Variants in ADAR observed in about 807,000 individuals in gnomAD.
The protein encoded by ADAR is adenosine deaminase RNA specific.
In ADAR, 41 loss-of-function variants were observed where a neutral mutation model predicts 113.2. The ratio of observed to expected loss-of-function variants is 0.36; its 90% CI spans 0.28 to 0.47. ADAR has a LOEUF of 0.47. Among genes scored for constraint, ADAR ranks in the 20% least tolerant of loss-of-function variants. The pLI is 1.00. For missense variants in ADAR, 1,242 were observed against 1,540.9 expected (o/e 0.81, Z 3.25); for synonymous variants, 605 against 572.6 (o/e 1.06, Z -0.81).
chr1:154,586,091 G>C (rs1571049978), intron 12 of ADAR, 90 bp downstream of exon 12: 1 of 1,516,860 alleles, frequency 6.6e-7, no homozygotes, highest in East Asian at 2.3e-5. Context: ...TTTGATAAGG[G>C]AGACAAAACA....
chr1:154,589,720 C>CA, intron 8 of ADAR, 37 bp downstream of exon 8: 1 of 1,613,262 alleles, frequency 6.2e-7, no homozygotes, highest in Non-Finnish European at 8.5e-7. Context: ...CGCTTTCAGG[C>CA]GCCATGGGAG....
rs766604638 is a variant in ADAR, at chr1:154,601,077, T to G, written c.1565A>C (p.Asn522Thr). 3.1e-6 allele frequency: 5 copies of G among 1,614,214 alleles called. No homozygotes were observed. The Admixed American group carries it at 8.3e-5, about 27-fold the overall frequency. ...GGGTGGTCCACTCTGCTCTATCATG[T>G]TGAACTCACAGGTTTGACTAGCGAA... ...AQFASQTCEF[N>T]MIEQSGPPHE... is the part of the protein sequence containing the mutation. Residue 522 changes from asparagine (N) to threonine (T), a missense_variant, in exon 2 of 15, where the codon AAC (asparagine) becomes ACC (threonine). This residue lies in a region of ADAR where 780 missense variants were observed against 1,057.9 expected (regional missense o/e 0.74). Transcript: ENST00000368474. The surrounding 1 kb of genome is among the most constrained non-coding windows in gnomAD (Gnocchi z 4.7).
intron 1 of ADAR, among the ~76,000 whole-genome samples, chr1:154,606,562 G>A (rs1698202110): frequency 6.6e-6 from 1 of 152,182 alleles, no homozygotes; most frequent in African/African-American, 2.4e-5. Context: ...TCTTAGGGCA[G>A]TAGGGTTAGA....
At chr1:154,592,560 T>C (rs1352880100) in intron 6 of ADAR, among the ~76,000 whole-genome samples, 2 of 152,056 alleles carry the variant, frequency 1.3e-5, no homozygotes, top group Non-Finnish European at 2.9e-5. Context: ...GGATTTGGGA[T>C]AGAAATTCTA....
intron 6 of ADAR, among the ~76,000 whole-genome samples, chr1:154,594,617 A>T (rs547269091): frequency 6.6e-6 from 1 of 152,230 alleles, no homozygotes; most frequent in South Asian, 2.1e-4. Flanking sequence ...GCTAGTGCTC[A>T]TAAGTTTCAC....
chr1:154,598,120 T>G (rs1171299358), intron 3 of ADAR, 144 bp from the exon 4 acceptor site: 2 of 1,008,406 alleles, frequency 2.0e-6, no homozygotes, highest in African/African-American at 3.2e-5. Flanking sequence ...CTGCTGGAGC[T>G]CTCATTCCGC....
At chr1:154,605,096 G>A (rs1268221537) in intron 1 of ADAR, among the ~76,000 whole-genome samples, 1 of 152,128 alleles carries the variant, frequency 6.6e-6, no homozygotes, top group African/African-American at 2.4e-5. Flanking sequence ...CTCATCTCCT[G>A]GATCTCATCA....
intron 1 of ADAR, among the ~76,000 whole-genome samples, chr1:154,606,533 T>C (rs1487171966): frequency 6.6e-6 from 1 of 152,074 alleles, no homozygotes; most frequent in Non-Finnish European, 1.5e-5. Context: ...AGAAAGGAGA[T>C]GTAAGTTTGC....
intron 1 of ADAR, among the ~76,000 whole-genome samples, chr1:154,625,180 T>C (rs956078257): frequency 6.6e-6 from 1 of 152,180 alleles, no homozygotes; most frequent in Non-Finnish European, 1.5e-5. Flanking sequence ...AAATAAAAGA[T>C]AATGTATCAT....
rs1353273183 is a variant in ADAR, at chr1:154,582,526, G to A, written c.*2280C>T. ...GATCTGACACGGCTCGTTTCCAGCA[G>A]ATGCGTGGAATTCAGGGATGCCTCG... On this transcript the variant is annotated 3_prime_UTR_variant, in exon 15 of 15. Transcript: ENST00000368474. 1.3e-5 allele frequency: 2 copies of A among 152,300 alleles called. No individual in the cohort carries two copies. The highest frequency in any genetic ancestry group is 2.9e-5 in the Non-Finnish European group (2 of 68,076). The allele number at this position is 152,300 out of a possible 1,614,324, so 9.4% of individuals were successfully genotyped here. A position where few individuals can be genotyped will look rare whatever the true frequency, so the allele number is the denominator to read the frequency against.
In ADAR at chr1:154,588,212, C is replaced by T. The variant is rs1288413218; in HGVS notation, c.2932G>A (p.Asp978Asn). The T allele has an allele frequency of 1.9e-6, 3 of 1,613,862 alleles. No homozygotes were observed. The highest frequency in any genetic ancestry group is 2.2e-5 in the East Asian group (1 of 44,896). The change falls in exon 11 of 15, where the codon GAC becomes AAC. Residue 978 changes from aspartate (D) to asparagine (N), a missense_variant. Physicochemically the swap from Asp to Asn is conservative, Grantham distance 23. This residue lies in a region of ADAR where 780 missense variants were observed against 1,057.9 expected (regional missense o/e 0.74). Coordinates refer to ENST00000368474, the MANE Select transcript of ADAR (RefSeq NM_001111.5). ...DGALFDKSCS[D>N]RAMESTESRH... The stretch of plus-strand genomic sequence containing the variant: ...GATTCTGTGCTTTCCATAGCACGGT[C>T]GCTGCAGGACTTGTCAAAGAGGGCG...
intron 4 of ADAR, 129 bp from the exon 5 acceptor site, chr1:154,597,396 T>G: frequency 8.8e-7 from 1 of 1,135,314 alleles, no homozygotes; most frequent in Non-Finnish European, 1.3e-6. Flanking sequence ...TGCAGTCACA[T>G]CTCATGCAGT....
rs748307559 is a variant in ADAR, at chr1:154,597,864, C to T, written c.1898G>A (p.Arg633His). ...GGCAGGGCCTTCTTTGGACAGGAGA[C>T]GGAATTCGCAGGAGTTCCCCAATTT... ...MHKLGNSCEF[R>H]LLSKEGPAHE... is the part of the protein sequence containing the mutation. The change falls in exon 4 of 15, where the codon CGT becomes CAT. Residue 633 changes from arginine to histidine, a missense_variant. By Grantham distance (29) the Arg-to-His change is conservative (BLOSUM62 0). This residue lies in a region of ADAR where 780 missense variants were observed against 1,057.9 expected (regional missense o/e 0.74). Coordinates refer to ENST00000368474, the MANE Select transcript of ADAR (RefSeq NM_001111.5). The T allele has an allele frequency of 8.7e-6, 14 of 1,613,914 alleles. No homozygotes were observed. The highest frequency in any genetic ancestry group is 1.6e-4 in the Middle Eastern group (1 of 6,074).
At chr1:154,593,052 T>C (rs565821553) in intron 6 of ADAR, among the ~76,000 whole-genome samples, 1 of 140,142 alleles carries the variant, frequency 7.1e-6, no homozygotes, top group African/African-American at 2.6e-5. Context: ...AGAGAATTGT[T>C]TGAACCCAGG....
In ADAR at chr1:154,602,138, C is replaced by T. The variant is rs547227391; in HGVS notation, c.504G>A (p.Pro168=). 31 of 1,614,226 alleles carry T rather than the reference C, an allele frequency of 1.9e-5. No homozygotes were observed. Among genetic ancestry groups the T allele is most frequent in the East Asian group, 1.3e-4 (6 of 44,888 alleles). Residue 168 remains proline (P), a synonymous_variant, in exon 2 of 15, where the codon CCG becomes CCA. Coordinates refer to ENST00000368474, the MANE Select transcript of ADAR (RefSeq NM_001111.5). The part of the protein sequence containing the change: ...AHDLSGKLGT[P]KKEINRVLYS... ...ATAAAACTCGATTGATTTCTTTCTT[C>T]GGAGTCCCAAGTTTCCCAGACAGAT...
intron 1 of ADAR, 123 bp from the exon 2 acceptor site, chr1:154,602,749 G>T: frequency 8.0e-7 from 1 of 1,244,456 alleles, no homozygotes; most frequent in Non-Finnish European, 1.1e-6. Context: ...TTGAGCCATG[G>T]GCTTATGACT....
upstream of ADAR, chr1:154,608,700 G>C (rs1698362496): frequency 6.6e-6 from 1 of 152,212 alleles, no homozygotes; most frequent in Non-Finnish European, 1.5e-5. Flanking sequence ...CGCACAGGCC[G>C]TAGGCAGGAA....
At chr1:154,612,631 C>T (rs1698520335), upstream of ADAR, among the ~76,000 whole-genome samples, 1 of 151,476 alleles carries the variant, frequency 6.6e-6, no homozygotes, top group Non-Finnish European at 1.5e-5. Context: ...CCAGCCTGCT[C>T]AGTTATTTTT....
chr1:154,602,125 TG>T lies in ADAR; in HGVS notation c.516del (p.Asn173IlefsTer39). The T allele has an allele frequency of 6.2e-7, 1 of 1,614,240 alleles. No individual in the cohort carries two copies. The highest frequency in any genetic ancestry group is 8.5e-7 in the Non-Finnish European group (1 of 1,180,044). On this transcript the variant is annotated frameshift_variant, in exon 2 of 15. Transcript: ENST00000368474. LOFTEE classifies it high-confidence loss of function. ...SGKLGTPKKE[I>X]NRVLYSLAKK... is the part of the protein sequence containing the mutation. Reference sequence around the variant, plus strand: ...TTTGCCAGGGAGTATAAAACTCGATTGATTTCTTTCTTCGGAGTCCCAAGTT... The same window carrying T: ...TTTGCCAGGGAGTATAAAACTCGATTATTTCTTTCTTCGGAGTCCCAAGTT...
Sources: gnomAD v4.1 joint callset for allele counts (sites outside exome capture counted in the v4.1 genomes callset) on GRCh38, gnomAD v4.1.1 for gene constraint, gnomAD v4.1.1 regional missense constraint, Gnocchi (gnomAD v3.1) non-coding constraint, MANE v1.5 for transcripts, NCBI Gene and HGNC (gene_info 2026-07-23, HGNC 2026-07-21) for gene names.